KCNMA1: variants seen among roughly 807,000 people sequenced by gnomAD.
KCNMA1 encodes the protein potassium calcium-activated channel subfamily M alpha 1.
In KCNMA1, 29 loss-of-function variants were observed where a neutral mutation model predicts 140.0. That is an observed-to-expected ratio of 0.21 (90% CI 0.15 to 0.28). KCNMA1 has a LOEUF of 0.28. Ranked by LOEUF, KCNMA1 falls within the 10% of genes least tolerant of loss-of-function variation. The pLI is 1.00. For missense variants in KCNMA1, 880 were observed against 1,602.2 expected, an observed-to-expected ratio of 0.55 and a Z score of 7.70; for synonymous variants, 612 against 611.9, an observed-to-expected ratio of 1.00 and a Z score of 0.00.
chr10:77,463,883 C>T (rs1018710590), intron 1 of KCNMA1, among the ~76,000 whole-genome samples: 1 of 152,162 alleles, frequency 6.6e-6, no homozygotes, highest in African/African-American at 2.4e-5. Flanking sequence ...GGAAGGGCTA[C>T]TCCCTCCTAG....
chr10:77,605,638 G>GCCC (rs2084234140), intron 1 of KCNMA1, among the ~76,000 whole-genome samples: 1 of 152,178 alleles, frequency 6.6e-6, no homozygotes, highest in South Asian at 2.1e-4. Flanking sequence ...GAAGGAGCAA[G>GCCC]CCCCGAGCAG....
chr10:77,186,602 C>T (rs2154131057), intron 3 of KCNMA1, among the ~76,000 whole-genome samples: 1 of 152,188 alleles, frequency 6.6e-6, no homozygotes, highest in South Asian at 2.1e-4. Flanking sequence ...ATTCTCAGGC[C>T]ATGGGGGTGC....
chr10:77,490,654 A>G (rs1010762170), intron 1 of KCNMA1, among the ~76,000 whole-genome samples: 1 of 152,244 alleles, frequency 6.6e-6, no homozygotes, highest in Non-Finnish European at 1.5e-5. Context: ...CACATTTAGC[A>G]GTTGAAAAGA....
chr10:77,131,735 C>A (rs1396366784), intron 5 of KCNMA1, among the ~76,000 whole-genome samples: 2 of 152,026 alleles, frequency 1.3e-5, no homozygotes, highest in Admixed American at 6.6e-5. Flanking sequence ...GAGGCTGAGG[C>A]AGGCGGATCA....
At chr10:77,488,384 G>C (rs951952525) in intron 1 of KCNMA1, among the ~76,000 whole-genome samples, 7 of 152,208 alleles carry the variant, frequency 4.6e-5, no homozygotes, top group African/African-American at 1.7e-4. Flanking sequence ...AGGGCAGTGG[G>C]CCACCCACCT....
In KCNMA1 at chr10:77,158,321, A is replaced by G. The variant is rs145817595; in HGVS notation, c.808+25100T>C. On this transcript the variant is annotated intron_variant, in intron 5 of 27. Transcript: ENST00000286628. ...CTTTGATCCTCACAGTAACTCCTTTAGGTAGTGAAGGCAAGAGCTCATCTC... is the reference window on the plus strand; with the variant it reads ...CTTTGATCCTCACAGTAACTCCTTTGGGTAGTGAAGGCAAGAGCTCATCTC... 1.3e-3 allele frequency among the ~76,000 whole-genome samples: 204 copies of G among 152,312 alleles called. No individual in the cohort carries two copies. The East Asian group carries it at 0.026, about 19-fold the overall frequency.
intron 5 of KCNMA1, among the ~76,000 whole-genome samples, chr10:77,135,597 G>A (rs1028906748): frequency 6.6e-6 from 1 of 152,162 alleles, no homozygotes; most frequent in African/African-American, 2.4e-5. Flanking sequence ...ATCAACCGCA[G>A]TGTCCATCAA....
At chr10:77,234,782 T>G (rs580986) in intron 3 of KCNMA1, among the ~76,000 whole-genome samples, 131,514 of 152,226 alleles carry the variant, frequency 0.86, 57,191 homozygotes, top group East Asian at 0.98. Context: ...CTCACTCAAG[T>G]TCACATAGCT....
rs1249140867 is a variant in KCNMA1, at chr10:77,025,254, A to G, written c.1928+2569T>C. Among the ~76,000 whole-genome samples the G allele has an allele frequency of 1.9e-3, 166 of 86,990 alleles. 1 individual carries two copies. The highest frequency in any genetic ancestry group is 2.9e-3 in the Non-Finnish European group (129 of 44,074). The allele number at this position is 86,990 out of a possible 152,430, so 57.1% of individuals were successfully genotyped here. A position where few individuals can be genotyped will look rare whatever the true frequency, so the allele number is the denominator to read the frequency against. On this transcript the variant is annotated intron_variant, in intron 16 of 27. Transcript: ENST00000286628. ...GAGGGGTGTGTGTGTATATATATAT[A>G]TATATATATATATATATATATATAT...
At chr10:77,540,249 G>A (rs2059869772) in intron 1 of KCNMA1, among the ~76,000 whole-genome samples, 1 of 152,234 alleles carries the variant, frequency 6.6e-6, no homozygotes, top group Non-Finnish European at 1.5e-5. Flanking sequence ...CTGGCTTGCA[G>A]AGCAATAAGG....
At chr10:76,944,552 A>T (rs188919165) in intron 23 of KCNMA1, among the ~76,000 whole-genome samples, 122 of 152,326 alleles carry the variant, frequency 8.0e-4, no homozygotes, top group African/African-American at 2.7e-3. Context: ...TCCTCTGGAA[A>T]GGCAACCTAG....
chr10:77,552,240 T>G (rs185219189), intron 1 of KCNMA1, among the ~76,000 whole-genome samples: 1 of 152,174 alleles, frequency 6.6e-6, no homozygotes, highest in African/African-American at 2.4e-5. Flanking sequence ...TGACTTATCC[T>G]CTACTTTGGG....
chr10:76,886,479 A>T lies in KCNMA1; in HGVS notation c.*787T>A, dbSNP rs1220537159. The T allele has an allele frequency of 3.0e-6, 3 of 984,916 alleles. No individual in the cohort carries two copies. The highest frequency in any genetic ancestry group is 3.6e-6 in the Non-Finnish European group (3 of 829,548). 61.0% of individuals were successfully genotyped at this position (984,916 alleles called of 1,614,324 possible). A position where few individuals can be genotyped will look rare whatever the true frequency, so the allele number is the denominator to read the frequency against. ...TATGGCAACATAAGGAGACAGAATA[A>T]CAATTTAATATGCAATCAAACCTCT... On this transcript the variant is annotated 3_prime_UTR_variant, in exon 28 of 28. Transcript: ENST00000286628.
chr10:77,308,917 A>G (rs2078529673), intron 2 of KCNMA1, among the ~76,000 whole-genome samples: 1 of 152,186 alleles, frequency 6.6e-6, no homozygotes, highest in Non-Finnish European at 1.5e-5. Flanking sequence ...TTAAGGCCAC[A>G]CAGCTAAAAT....
rs33995063 is a variant in KCNMA1 at position 77,445,365 on chromosome 10, GACACACACACACAC to G, written c.379-41356_379-41343del. Reference sequence around the variant, plus strand: ...TCTCTCTCTCACACGCACATACACAGACACACACACACACACACACACACACACACATATGAAAA... The same window carrying G: ...TCTCTCTCTCACACGCACATACACAGACACACACACACACACATATGAAAA... On this transcript the variant is annotated intron_variant, in intron 1 of 27. Coordinates refer to ENST00000286628, the MANE Select transcript of KCNMA1 (RefSeq NM_001161352.2). Among the ~76,000 whole-genome samples the G allele has an allele frequency of 7.1e-5, 10 of 141,278 alleles. No individual in the cohort carries two copies. In the East Asian group the frequency reaches 1.4e-3, roughly 20 times the overall value. The allele number at this position is 141,278 out of a possible 152,430, so 92.7% of individuals were successfully genotyped here.
chr10:76,925,985 G>C (rs908329763), intron 23 of KCNMA1, among the ~76,000 whole-genome samples: 1 of 152,182 alleles, frequency 6.6e-6, no homozygotes, highest in African/African-American at 2.4e-5. Flanking sequence ...TAGCACCAAG[G>C]TTCCAAACAG....
chr10:77,575,169 C>T lies in KCNMA1; in HGVS notation c.378+62096G>A, dbSNP rs545696761. On this transcript the variant is annotated intron_variant, in intron 1 of 27. Transcript: ENST00000286628. ...GCCTCCACCAGTGCCCAGAACGAGC[C>T]GGCCAGCTCCCCAACAGCCCCACCG... 6.6e-5 allele frequency among the ~76,000 whole-genome samples: 10 copies of T among 152,250 alleles called. No homozygotes were observed. The East Asian group carries it at 1.4e-3, about 21-fold the overall frequency.
At chr10:77,231,404 T>C (rs2053535563) in intron 3 of KCNMA1, among the ~76,000 whole-genome samples, 1 of 152,214 alleles carries the variant, frequency 6.6e-6, no homozygotes, top group Admixed American at 6.5e-5. Context: ...TGTAAATTTG[T>C]GTGCATGTAT....
chr10:76,977,747 T>C (rs2078101923), intron 19 of KCNMA1: 1 of 658,458 alleles, frequency 1.5e-6, no homozygotes, highest in Non-Finnish European at 2.8e-6. Context: ...CTACTGTCCC[T>C]ACCACCCAAC....
Sources: allele counts gnomAD v4.1 joint callset (sites outside exome capture counted in the v4.1 genomes callset), GRCh38; gene constraint gnomAD v4.1.1; transcripts MANE v1.5; gene names NCBI Gene and HGNC (gene_info 2026-07-23, HGNC 2026-07-21).